Variants in UGT2A2 observed in about 807,000 individuals in gnomAD.
UGT2A2 encodes the protein UDP-glucuronosyltransferase 2A2.
UGT2A2 carries 60 observed loss-of-function variants against 50.7 expected under a neutral mutation model. The observed-to-expected ratio is 1.18, with a 90% CI of 0.96 to 1.47. The LOEUF (loss-of-function observed/expected upper bound fraction) is 1.47, where lower values mean the gene tolerates loss of function less well. UGT2A2 is among the 40% of genes most tolerant of loss of function. UGT2A2 has a pLI of 0.00. For missense variants in UGT2A2, 762 were observed against 634.0 expected, an observed-to-expected ratio of 1.20 and a Z score of -2.17; for synonymous variants, 242 against 214.6, an observed-to-expected ratio of 1.13 and a Z score of -1.11.
intron 1 of UGT2A2, among the ~76,000 whole-genome samples, chr4:69,628,870 G>A (rs900639236): frequency 3.3e-5 from 5 of 151,024 alleles, no homozygotes; most frequent in African/African-American, 1.2e-4. Context: ...AAATTCAAAG[G>A]AATCTACAGC....
In UGT2A2 at chr4:69,588,440, T is replaced by C. The variant is rs1718377305; in HGVS notation, c.*932A>G. On this transcript the variant is annotated 3_prime_UTR_variant, in exon 6 of 6. Coordinates refer to ENST00000604629, the MANE Select transcript of UGT2A2 (RefSeq NM_001105677.2). ...TATCAAATTCCAAGTAAGCATTTTT[T>C]ATTTTTTGGCATAAAATTAAACTTT... The C allele has an allele frequency of 6.6e-6, 1 of 152,128 alleles. No individual in the cohort carries two copies. The highest frequency in any genetic ancestry group is 1.5e-5 in the Non-Finnish European group (1 of 67,990). The allele number at this position is 152,128 out of a possible 1,614,324, so 9.4% of individuals were successfully genotyped here.
intron 1 of UGT2A2, among the ~76,000 whole-genome samples, chr4:69,609,001 A>C (rs189934786): frequency 1.7e-4 from 26 of 152,176 alleles, no homozygotes; most frequent in South Asian, 1.2e-3. Context: ...ATAAAGAAAA[A>C]TTATAAAGAG....
chr4:69,619,285 A>C (rs752860749), intron 1 of UGT2A2, among the ~76,000 whole-genome samples: 2 of 151,772 alleles, frequency 1.3e-5, no homozygotes, highest in Non-Finnish European at 2.9e-5. Context: ...CGTGTAGTCC[A>C]GCTACTTTGG....
intron 1 of UGT2A2, among the ~76,000 whole-genome samples, chr4:69,631,764 A>G (rs944249890): frequency 1.3e-5 from 2 of 152,146 alleles, no homozygotes; most frequent in Non-Finnish European, 2.9e-5. Context: ...TTTGAAGACT[A>G]CGGACATATT....
rs768266961 is a variant in UGT2A2, at chr4:69,639,343, T to C, written c.298A>G (p.Ile100Val). Residue 100 changes from isoleucine (I) to valine (V), a missense_variant, in exon 1 of 6, where the codon ATA (isoleucine) becomes GTA (valine). Coordinates refer to ENST00000604629, the MANE Select transcript of UGT2A2 (RefSeq NM_001105677.2). ...GGTCTATGGTCAATCCACAGCATTA[T>C]CATATGCTCAATTAAGGAATCTATA... ...SNIDSLIEHM[I>V]MLWIDHRPTP... is the part of the protein sequence containing the mutation. The C allele has an allele frequency of 1.1e-5, 18 of 1,613,616 alleles. No individual in the cohort carries two copies. The African/African-American group carries it at 1.3e-4, about 12-fold the overall frequency.
intron 1 of UGT2A2, among the ~76,000 whole-genome samples, chr4:69,626,899 T>A (rs1396234041): frequency 6.6e-6 from 1 of 151,828 alleles, no homozygotes; most frequent in East Asian, 1.9e-4. Context: ...TTGAAATGGC[T>A]CCATCATTTC....
At chr4:69,596,502 CT>C in intron 2 of UGT2A2, 121 bp from the exon 3 acceptor site, 4 of 1,285,146 alleles carry the variant, frequency 3.1e-6, no homozygotes, top group Non-Finnish European at 4.0e-6. Context: ...AACTGTCTGT[CT>C]TCTGACATGT....
At chr4:69,630,161 A>C (rs1226007027) in intron 1 of UGT2A2, among the ~76,000 whole-genome samples, 1 of 152,066 alleles carries the variant, frequency 6.6e-6, no homozygotes, top group Non-Finnish European at 1.5e-5. Context: ...CTAAGTTTCC[A>C]TTCTTGTAGA....
At chr4:69,594,076 G>A (rs888850796) in intron 5 of UGT2A2, among the ~76,000 whole-genome samples, 1 of 145,574 alleles carries the variant, frequency 6.9e-6, no homozygotes, top group Non-Finnish European at 1.5e-5. Context: ...CCGGGTTCAC[G>A]CCATTCTCCT....
chr4:69,634,582 G>T (rs1721573261), intron 1 of UGT2A2, among the ~76,000 whole-genome samples: 1 of 151,870 alleles, frequency 6.6e-6, no homozygotes, highest in Admixed American at 6.6e-5. Flanking sequence ...GTTAATTGGG[G>T]TTTATTCCAA....
intron 1 of UGT2A2, among the ~76,000 whole-genome samples, chr4:69,617,153 G>A (rs968219511): frequency 1.3e-5 from 2 of 151,848 alleles, no homozygotes; most frequent in Non-Finnish European, 2.9e-5. Flanking sequence ...ATGTGTAAAA[G>A]CACTTTCAAA....
At chr4:69,600,365 G>A (rs1719207315) in intron 1 of UGT2A2, among the ~76,000 whole-genome samples, 1 of 152,186 alleles carries the variant, frequency 6.6e-6, no homozygotes, top group Non-Finnish European at 1.5e-5. Flanking sequence ...GGACCTTGCG[G>A]AAGTCTGTCA....
In UGT2A2 at chr4:69,639,584, A is replaced by T; in HGVS notation, c.57T>A (p.Phe19Leu). The change falls in exon 1 of 6, where the codon TTT becomes TTA. Residue 19 changes from phenylalanine to leucine, a missense_variant. By Grantham distance (22) the Phe-to-Leu change is conservative. Transcript: ENST00000604629. ...MPKKFVQMLV[F>L]NLTLTEVVLS... ...GAACAACTTCAGTCAGAGTCAAATT[A>T]AAAACCAGCATCTGGACAAACTTCT... 1 of 1,610,094 alleles carries T rather than the reference A, an allele frequency of 6.2e-7. No individual in the cohort carries two copies. Among genetic ancestry groups the T allele is most frequent in the East Asian group, 2.2e-5 (1 of 44,836 alleles).
chr4:69,610,870 G>T lies in UGT2A2; in HGVS notation c.743-11476C>A, dbSNP rs17147507. Among the ~76,000 whole-genome samples, 93 of 152,148 alleles carry T rather than the reference G, an allele frequency of 6.1e-4. 1 individual carries two copies. The highest frequency in any genetic ancestry group is 1.0e-3 in the Admixed American group (16 of 15,272). On this transcript the variant is annotated intron_variant, in intron 1 of 5. Transcript: ENST00000604629. ...GTTCTTGTATTAGTTTGCTAGCACT[G>T]CTACAGCTACACACCACTGGTTAGG...
At position 69,588,652 on chromosome 4, in the gene UGT2A2, C is replaced by A. The variant is rs1002353487; in HGVS notation, c.*720G>T. On this transcript the variant is annotated 3_prime_UTR_variant, in exon 6 of 6. Transcript: ENST00000604629. ...CCTTCAACATATAACATAGAACTTT[C>A]TCCTTGAAATAAAAGAGTCGATTGA... The A allele has an allele frequency of 5.3e-5, 8 of 151,752 alleles. No individual in the cohort carries two copies. The highest frequency in any genetic ancestry group is 1.9e-4 in the African/African-American group (8 of 41,352). The allele number at this position is 151,752 out of a possible 1,614,324, so 9.4% of individuals were successfully genotyped here.
At chr4:69,614,459 A>AT (rs1170699702) in intron 1 of UGT2A2, among the ~76,000 whole-genome samples, 5 of 125,826 alleles carry the variant, frequency 4.0e-5, no homozygotes, top group African/African-American at 9.5e-5. Flanking sequence ...CACAAATTAA[A>AT]AAATATATAT....
chr4:69,624,098 A>T (rs1170260657), intron 1 of UGT2A2, among the ~76,000 whole-genome samples: 3 of 151,584 alleles, frequency 2.0e-5, no homozygotes, highest in Admixed American at 6.6e-5. Flanking sequence ...ATCTCCAAGT[A>T]TAAATGGGAA....
At position 69,616,834 on chromosome 4, in the gene UGT2A2, T is replaced by TTTC. The variant is rs1491226272; in HGVS notation, c.743-17441_743-17440insGAA. Among the ~76,000 whole-genome samples the TTTC allele has an allele frequency of 2.1e-3, 26 of 12,258 alleles. No homozygotes were observed. The East Asian group carries it at 0.057, about 27-fold the overall frequency. 8.0% of individuals were successfully genotyped at this position (12,258 alleles called of 152,430 possible). A position where few individuals can be genotyped will look rare whatever the true frequency, so the allele number is the denominator to read the frequency against. On this transcript the variant is annotated intron_variant, in intron 1 of 5. Transcript: ENST00000604629. Reference sequence around the variant, plus strand: ...TAAATTTCTCTGCCATTTTCTTTTCTTTTTTTTTTTTTTTTTGAATAGTGG... The same window carrying TTTC: ...TAAATTTCTCTGCCATTTTCTTTTCTTTCTTTTTTTTTTTTTTTTGAATAGTGG...
chr4:69,622,027 G>A (rs1419395846), intron 1 of UGT2A2, among the ~76,000 whole-genome samples: 8 of 151,760 alleles, frequency 5.3e-5, no homozygotes, highest in Non-Finnish European at 2.9e-5. Flanking sequence ...GTGGAAGGAG[G>A]AAGAGGAAGA....
Sources: allele counts gnomAD v4.1 joint callset (sites outside exome capture counted in the v4.1 genomes callset), GRCh38; gene constraint gnomAD v4.1.1; transcripts MANE v1.5; gene names NCBI Gene and HGNC (gene_info 2026-07-23, HGNC 2026-07-21).